Variants in PRKDC observed in about 807,000 individuals in gnomAD.
The protein encoded by PRKDC is protein kinase, DNA-activated, catalytic subunit.
A neutral mutation model predicts 486.9 loss-of-function variants in PRKDC; 82 were observed. The ratio of observed to expected loss-of-function variants is 0.17; its 90% confidence interval spans 0.14 to 0.20. The LOEUF is 0.20. Ranked by LOEUF, PRKDC falls within the 10% of genes least tolerant of loss-of-function variation. The pLI is 1.00. For synonymous variants in PRKDC, 1,895 were observed against 1,837.0 expected, an observed-to-expected ratio of 1.03 and a Z score of -0.81; for missense variants, 4,504 against 5,038.2, an observed-to-expected ratio of 0.89 and a Z score of 3.21.
intron 16 of PRKDC, 28 bp downstream of exon 16, chr8:47,932,992 A>C (rs2154503657): frequency 1.3e-6 from 2 of 1,546,920 alleles, no homozygotes; most frequent in South Asian, 2.5e-5. Context: ...AAAATGATGA[A>C]AAATTACTAC....
chr8:47,888,783 T>C (rs960643924), intron 33 of PRKDC, 133 bp from the exon 34 acceptor site: 98 of 1,304,566 alleles, frequency 7.5e-5, no homozygotes, highest in Admixed American at 1.7e-4. Context: ...CGCACTAAGC[T>C]AGCATGGAGA....
At chr8:47,792,228 T>C (rs1422261333) in intron 74 of PRKDC, among the ~76,000 whole-genome samples, 1 of 150,552 alleles carries the variant, frequency 6.6e-6, no homozygotes, top group Non-Finnish European at 1.5e-5. Context: ...TAGTATTTAG[T>C]GGCACAACAG....
At chr8:47,844,259 T>C (rs1268078511) in intron 54 of PRKDC, among the ~76,000 whole-genome samples, 2 of 152,134 alleles carry the variant, frequency 1.3e-5, no homozygotes, top group Non-Finnish European at 2.9e-5. Flanking sequence ...TTTTATCAGA[T>C]AAAATAACTT....
intron 73 of PRKDC, among the ~76,000 whole-genome samples, chr8:47,796,827 C>T (rs561566229): frequency 1.3e-5 from 2 of 152,152 alleles, no homozygotes; most frequent in African/African-American, 2.4e-5. Flanking sequence ...CTGCTGACCT[C>T]GTGATCTGCC....
intron 30 of PRKDC, among the ~76,000 whole-genome samples, chr8:47,895,338 G>A (rs1216643259): frequency 6.6e-6 from 1 of 152,226 alleles, no homozygotes; most frequent in Non-Finnish European, 1.5e-5. Flanking sequence ...CAAATTACCT[G>A]TTGGAAGAAG....
In PRKDC at chr8:47,807,227, T is replaced by C. The variant is rs1415376883; in HGVS notation, c.9657A>G (p.Glu3219=). The stretch of plus-strand genomic sequence containing the variant: ...TGATATCTTCTTCCTGCTCTTGCAC[T>C]TCCATCCTGTCACTGGGGTCTCCAT... The part of the protein sequence containing the change: ...DQDGDPSDRM[E]VQEQEEDISS... Residue 3219 remains glutamate (E), a synonymous_variant, in exon 69 of 86, where the codon GAA becomes GAG. Coordinates refer to ENST00000314191, the MANE Select transcript of PRKDC (RefSeq NM_006904.7). 1 of 1,613,914 alleles carries C rather than the reference T, an allele frequency of 6.2e-7. No homozygotes were observed. The highest frequency in any genetic ancestry group is 1.1e-5 in the South Asian group (1 of 91,070).
intron 85 of PRKDC, among the ~76,000 whole-genome samples, chr8:47,775,114 G>A (rs1202109310): frequency 3.3e-5 from 5 of 151,878 alleles, no homozygotes; most frequent in South Asian, 2.1e-4. Flanking sequence ...TTGAACCCAG[G>A]AGGTGGGGGT....
intron 23 of PRKDC, among the ~76,000 whole-genome samples, chr8:47,915,007 A>C (rs1012972281): frequency 6.6e-6 from 1 of 152,094 alleles, no homozygotes; most frequent in Admixed American, 6.6e-5. Context: ...AAATATCATA[A>C]TATTAACAAT....
At chr8:47,925,003 T>A (rs184941590) in intron 21 of PRKDC, among the ~76,000 whole-genome samples, 2 of 152,280 alleles carry the variant, frequency 1.3e-5, no homozygotes, top group African/African-American at 2.4e-5. Context: ...CACCCCAACA[T>A]CCCAGACAGC....
chr8:47,827,931 T>C (rs1416045945), intron 62 of PRKDC, among the ~76,000 whole-genome samples: 1 of 152,252 alleles, frequency 6.6e-6, no homozygotes, highest in African/African-American at 2.4e-5. Flanking sequence ...ACTGGCTTAT[T>C]ACAAAATAAA....
chr8:47,935,943 C>T (rs768718306), intron 12 of PRKDC, 43 bp from the exon 13 acceptor site: 8 of 1,528,022 alleles, frequency 5.2e-6, no homozygotes, highest in African/African-American at 1.4e-5. Flanking sequence ...AGGAGGTAAT[C>T]AATGAATACA....
intron 1 of PRKDC, among the ~76,000 whole-genome samples, chr8:47,958,043 C>A (rs1284729247): frequency 6.6e-6 from 1 of 152,154 alleles, no homozygotes; most frequent in African/African-American, 2.4e-5. Flanking sequence ...GGTAGCTAAT[C>A]AGCTGACCTT....
Position 47,789,034 on chromosome 8 carries a change from C to A in PRKDC, c.10774G>T (p.Val3592Leu), listed in dbSNP as rs1490966994. Residue 3592 changes from valine (V) to leucine (L), a missense_variant, in exon 76 of 86, where the codon GTA (valine) becomes TTA (leucine). Physicochemically the swap from Val to Leu is conservative, Grantham distance 32. Around this residue, in one of 6 missense-constraint regions of PRKDC, gnomAD observed 706 missense variants for 945.0 expected, o/e 0.75. Transcript: ENST00000314191. Reference sequence around the variant, plus strand: ...GGGGTTTTTGCTAGTTCAGCTCTTACATCATTGCTCCAATCCTGTCAGGGG... The same window carrying A: ...GGGGTTTTTGCTAGTTCAGCTCTTAAATCATTGCTCCAATCCTGTCAGGGG... ...ELLFKDWSND[V>L]RAELAKTPVN... The A allele has an allele frequency of 3.7e-6, 6 of 1,612,220 alleles. No homozygotes were observed. The highest frequency in any genetic ancestry group is 1.3e-5 in the African/African-American group (1 of 74,704).
chr8:47,953,430 T>A (rs932584684), intron 7 of PRKDC, among the ~76,000 whole-genome samples, 190 bp downstream of exon 7: 1 of 152,238 alleles, frequency 6.6e-6, no homozygotes, highest in Non-Finnish European at 1.5e-5. Context: ...ATGCCCACCT[T>A]GCTGTTGTGC....
chr8:47,842,296 C>T (rs1182989226), intron 54 of PRKDC, among the ~76,000 whole-genome samples: 6 of 152,258 alleles, frequency 3.9e-5, no homozygotes, highest in Admixed American at 6.5e-5. Context: ...CTGTGCTGAA[C>T]GCACTGTAAT....
At chr8:47,894,302 T>G (rs2089530379) in intron 30 of PRKDC, among the ~76,000 whole-genome samples, 1 of 152,004 alleles carries the variant, frequency 6.6e-6, no homozygotes, top group Non-Finnish European at 1.5e-5. Flanking sequence ...GAGAGAACAT[T>G]TTGTATATTA....
chr8:47,822,075 G>A (rs1478898069), intron 64 of PRKDC, among the ~76,000 whole-genome samples: 1 of 152,166 alleles, frequency 6.6e-6, no homozygotes, highest in African/African-American at 2.4e-5. Context: ...CTGAGCCCAG[G>A]AGTTTGAGAC....
chr8:47,930,397 C>T (rs1034963273), intron 17 of PRKDC, among the ~76,000 whole-genome samples: 1 of 152,158 alleles, frequency 6.6e-6, no homozygotes, highest in Non-Finnish European at 1.5e-5. Flanking sequence ...CTCAGCCTCC[C>T]GAGTAGCTGG....
chr8:47,782,005 G>C lies in PRKDC; in HGVS notation c.11489+157C>G, dbSNP rs2086706767. 6.6e-6 allele frequency among the ~76,000 whole-genome samples: 1 copy of C among 152,128 alleles called. No individual in the cohort carries two copies. Among genetic ancestry groups the C allele is most frequent in the South Asian group, 2.1e-4 (1 of 4,830 alleles). ...TACGGTAAAATATCTGCAACTACTGGTTAGCAGCCAGCACTCCATTTGGTT... is the reference window on the plus strand; with the variant it reads ...TACGGTAAAATATCTGCAACTACTGCTTAGCAGCCAGCACTCCATTTGGTT... On this transcript the variant is annotated intron_variant, in intron 80 of 85. Transcript: ENST00000314191. The surrounding 1 kb of genome is among the most constrained non-coding windows in gnomAD (Gnocchi z 4.9).
Sources: allele counts gnomAD v4.1 joint callset (sites outside exome capture counted in the v4.1 genomes callset), GRCh38; gene constraint gnomAD v4.1.1; regional missense constraint gnomAD v4.1.1; non-coding constraint Gnocchi (gnomAD v3.1); transcripts MANE v1.5; gene names NCBI Gene and HGNC (gene_info 2026-07-23, HGNC 2026-07-21).